Variants in GPAM observed in about 807,000 individuals in gnomAD.
GPAM encodes glycerol-3-phosphate acyltransferase 1, mitochondrial.
In GPAM, 56 loss-of-function variants were observed where a neutral mutation model predicts 105.0. That is an observed-to-expected ratio of 0.53 (90% CI 0.43 to 0.67). The LOEUF (loss-of-function observed/expected upper bound fraction) is 0.67. GPAM is among the 30% of genes least tolerant of loss of function. The probability of loss-of-function intolerance (pLI) is 0.00; values close to 1 mark genes in which losing one functional copy is unlikely to be tolerated. For missense variants in GPAM, 855 were observed against 989.8 expected, an observed-to-expected ratio of 0.86 and a Z score of 1.83; for synonymous variants, 368 against 354.4, an observed-to-expected ratio of 1.04 and a Z score of -0.43.
At chr10:112,175,741 T>C (rs1465355950) in intron 5 of GPAM, 28 bp from the exon 6 acceptor site, 6 of 1,362,224 alleles carry the variant, frequency 4.4e-6, no homozygotes, top group Non-Finnish European at 6.3e-6. Flanking sequence ...CAGAGAAGTA[T>C]TAGAGGTACC....
chr10:112,164,411 C>A (rs1235199721), intron 13 of GPAM, 114 bp downstream of exon 13: 9 of 704,584 alleles, frequency 1.3e-5, no homozygotes, highest in African/African-American at 1.8e-5. Flanking sequence ...AGAAAAGTTA[C>A]TTAAGAAGTG....
At chr10:112,164,921 A>G (rs1329397318) in intron 12 of GPAM, among the ~76,000 whole-genome samples, 2 of 152,234 alleles carry the variant, frequency 1.3e-5, no homozygotes, top group Non-Finnish European at 2.9e-5. Context: ...TCTTAATATC[A>G]TTAATAGTGA....
intron 1 of GPAM, among the ~76,000 whole-genome samples, chr10:112,212,731 C>A (rs1847926004): frequency 6.6e-6 from 1 of 152,222 alleles, no homozygotes; most frequent in Non-Finnish European, 1.5e-5. Flanking sequence ...ATTCCTTATG[C>A]TCTCTTAGCC....
At position 112,155,868 on chromosome 10, in the gene GPAM, T is replaced by A; in HGVS notation, c.2307A>T (p.Val769=). 6.5e-7 allele frequency: 1 copy of A among 1,541,970 alleles called. No homozygotes were observed. Among genetic ancestry groups the A allele is most frequent in the Non-Finnish European group, 9.0e-7 (1 of 1,115,518 alleles). ...ATAAATAGTGACTTAACATACCATA[T>A]ACTGCAACATTTCTTTCTGTTCTGG... ...LITRTERNVA[V]YAESATYCLV... The change falls in exon 20 of 22, where the codon GTA becomes GTT. Residue 769 remains valine, a synonymous_variant. Transcript: ENST00000348367.
intron 11 of GPAM, 144 bp from the exon 12 acceptor site, chr10:112,166,659 A>G: frequency 1.5e-6 from 1 of 683,508 alleles, no homozygotes; most frequent in Non-Finnish European, 2.7e-6. Flanking sequence ...AAAGGAGGTA[A>G]TCATTAACTG....
rs1847107626 is a variant in GPAM at position 112,160,719 on chromosome 10, G to A, written c.1644C>T (p.His548=). Residue 548 remains histidine (H), a synonymous_variant, in exon 16 of 22, where the codon CAC becomes CAT. Transcript: ENST00000348367. The stretch of plus-strand genomic sequence containing the variant: ...TAAAAAACTCATCGTTCCTGCTAGT[G>A]TGGGTGATTGTGACACAATTTCCCA... ...QLLGNCVTIT[H]TSRNDEFFIT... 1 of 1,614,042 alleles carries A rather than the reference G, an allele frequency of 6.2e-7. No homozygotes were observed. Among genetic ancestry groups the A allele is most frequent in the East Asian group, 2.2e-5 (1 of 44,868 alleles).
intron 12 of GPAM, among the ~76,000 whole-genome samples, chr10:112,165,914 T>C (rs1052476368): frequency 7.9e-5 from 12 of 152,198 alleles, no homozygotes; most frequent in Non-Finnish European, 2.9e-5. Flanking sequence ...TATTTTGGGG[T>C]ACATGTGATA....
At chr10:112,198,723 C>T (rs1304776618) in intron 1 of GPAM, among the ~76,000 whole-genome samples, 1 of 152,156 alleles carries the variant, frequency 6.6e-6, no homozygotes, top group Non-Finnish European at 1.5e-5. Flanking sequence ...ATTTGTACTC[C>T]CATGTTCATT....
intron 12 of GPAM, among the ~76,000 whole-genome samples, chr10:112,165,903 A>G (rs1847207795): frequency 6.6e-6 from 1 of 152,056 alleles, no homozygotes; most frequent in Non-Finnish European, 1.5e-5. Context: ...ATACTTGTAC[A>G]TATTTTGGGG....
At chr10:112,183,031 G>A (rs1847536115) in intron 1 of GPAM, 140 bp from the exon 2 acceptor site, 1 of 152,288 alleles carries the variant, frequency 6.6e-6, no homozygotes, top group Non-Finnish European at 1.5e-5. Flanking sequence ...TATCCCAGAG[G>A]CACCAGCCAG....
intron 21 of GPAM, 199 bp from the exon 22 acceptor site, chr10:112,153,865 TTC>T (rs1441076429): frequency 1.3e-5 from 6 of 461,890 alleles, no homozygotes; most frequent in Admixed American, 4.2e-5. Context: ...GGTTTTCTTT[TTC>T]TATTTTTTTT....
chr10:112,195,807 A>G (rs975007360), intron 1 of GPAM, among the ~76,000 whole-genome samples: 1 of 152,254 alleles, frequency 6.6e-6, no homozygotes, highest in Non-Finnish European at 1.5e-5. Flanking sequence ...CATGGCTGTT[A>G]TAACTATCAA....
In GPAM at chr10:112,166,252, A is replaced by G. The variant is rs556036475; in HGVS notation, c.1221+150T>C. On this transcript the variant is annotated intron_variant, in intron 12 of 21. Coordinates refer to ENST00000348367, the MANE Select transcript of GPAM (RefSeq NM_001244949.2). ...ATAGGCAAATTTTGTGGAAAAATTT[A>G]GGCAACACCACCTTTATCATAGTCC... 1.0e-4 allele frequency: 66 copies of G among 660,286 alleles called. 1 individual carries two copies. The highest frequency in any genetic ancestry group is 9.3e-4 in the South Asian group (57 of 61,020). 40.9% of individuals were successfully genotyped at this position (660,286 alleles called of 1,614,324 possible).
At position 112,151,479 on chromosome 10, in the gene GPAM, C is replaced by T; in HGVS notation, c.*2071G>A. On this transcript the variant is annotated 3_prime_UTR_variant, in exon 22 of 22. Transcript: ENST00000348367. ...GCACCAGTTAATTACAAAAAGCATG[C>T]ATATTTATCCTCACAGTGAGTTAAG... 1.0e-6 allele frequency: 1 copy of T among 985,782 alleles called. No individual in the cohort carries two copies. The highest frequency in any genetic ancestry group is 1.2e-6 in the Non-Finnish European group (1 of 829,870). 61.1% of individuals were successfully genotyped at this position (985,782 alleles called of 1,614,324 possible).
At chr10:112,165,260 A>C (rs1167653833) in intron 12 of GPAM, among the ~76,000 whole-genome samples, 1 of 152,216 alleles carries the variant, frequency 6.6e-6, no homozygotes, top group Non-Finnish European at 1.5e-5. Context: ...GAATACCTTA[A>C]GAATTTAAAC....
At chr10:112,156,928 A>G (rs947024589) in intron 19 of GPAM, 5 of 507,080 alleles carry the variant, frequency 9.9e-6, no homozygotes, top group African/African-American at 3.8e-5. Flanking sequence ...GGTCAGTGGC[A>G]GCTCAATAGC....
intron 10 of GPAM, 22 bp downstream of exon 10, chr10:112,168,831 G>C: frequency 2.2e-6 from 3 of 1,366,840 alleles, no homozygotes; most frequent in South Asian, 2.3e-5. Flanking sequence ...TGTCCCTAAG[G>C]ATAATTAGAG....
intron 11 of GPAM, among the ~76,000 whole-genome samples, chr10:112,167,504 G>T (rs1397861772): frequency 6.6e-6 from 1 of 152,090 alleles, no homozygotes; most frequent in African/African-American, 2.4e-5. Flanking sequence ...ATAAATTATG[G>T]TATACCATAC....
chr10:112,164,288 A>C (rs1334957174), intron 13 of GPAM, among the ~76,000 whole-genome samples: 1 of 152,216 alleles, frequency 6.6e-6, no homozygotes, highest in African/African-American at 2.4e-5. Context: ...AAAAGCATAA[A>C]TCAATTAAGA....
Sources: allele counts gnomAD v4.1 joint callset (sites outside exome capture counted in the v4.1 genomes callset), GRCh38; gene constraint gnomAD v4.1.1; transcripts MANE v1.5; gene names NCBI Gene and HGNC (gene_info 2026-07-23, HGNC 2026-07-21).